The following LIPM variants were observed in gnomAD, a reference collection of about 807,000 sequenced individuals.
The protein encoded by LIPM is lipase member M.
In LIPM, 42 loss-of-function variants were observed where a neutral mutation model predicts 42.4. That is an observed-to-expected ratio of 0.99 (90% CI 0.77 to 1.28). LIPM has a LOEUF of 1.28. Among genes scored for constraint, LIPM ranks in the 50% most tolerant of loss-of-function variants. The pLI, the probability that LIPM is intolerant of heterozygous loss-of-function variation, is 0.00. For missense variants in LIPM, 524 were observed against 520.1 expected, an observed-to-expected ratio of 1.01 and a Z score of -0.07; for synonymous variants, 177 against 173.3, an observed-to-expected ratio of 1.02 and a Z score of -0.17.
At chr10:88,817,751 G>A (rs1461879913) in intron 7 of LIPM, 74 bp from the exon 8 acceptor site, 1 of 977,214 alleles carries the variant, frequency 1.0e-6, no homozygotes, top group Admixed American at 2.0e-5. Flanking sequence ...ACACTGGGTA[G>A]CACATTTCCA....
At chr10:88,811,542 C>T (rs191734306) in intron 2 of LIPM, among the ~76,000 whole-genome samples, 52 of 152,202 alleles carry the variant, frequency 3.4e-4, no homozygotes, top group African/African-American at 1.2e-3. Flanking sequence ...AATATATATG[C>T]CTTAATTTAT....
At position 88,815,174 on chromosome 10, in the gene LIPM, G is replaced by A. The variant is rs1843703266; in HGVS notation, c.661G>A (p.Ala221Thr). ...ALAPIATVKH[A>T]KSPGTKFLLL... ...AGCACCCATAGCCACTGTTAAGCAT[G>A]CAAAAAGCCCCGGGACCAAATTTTT... Residue 221 changes from alanine (A) to threonine (T), a missense_variant, in exon 5 of 9, where the codon GCA becomes ACA. Transcript: ENST00000404743. 2 of 1,551,860 alleles carry A rather than the reference G, an allele frequency of 1.3e-6. No individual in the cohort carries two copies. Among genetic ancestry groups the A allele is most frequent in the Non-Finnish European group, 1.7e-6 (2 of 1,147,010 alleles).
chr10:88,814,473 GC>G (rs1843693519), intron 3 of LIPM, 56 bp from the exon 4 acceptor site: 3 of 1,234,240 alleles, frequency 2.4e-6, no homozygotes, highest in Admixed American at 2.0e-5. Flanking sequence ...GTCGGGGGGA[GC>G]TTTTGTTTGT....
rs1843545074 is a variant in LIPM at position 88,802,923 on chromosome 10, G to A, written c.27G>A (p.Trp9Ter). Residue 9 changes from tryptophan (W) to a stop codon, truncating the protein, a stop_gained, in exon 1 of 9, where the codon TGG (tryptophan) becomes TGA (stop). Coordinates refer to ENST00000404743, the MANE Select transcript of LIPM (RefSeq NM_001128215.1). LOFTEE classifies it high-confidence loss of function. MLETLSRQWIVSHRMEMWL... is the reference protein window; with the variant it reads MLETLSRQ The stretch of plus-strand genomic sequence containing the variant: ...TGTTGGAAACCTTGTCAAGACAGTG[G>A]ATTGTCTCACACAGAATGGAAATGT... 1.9e-6 allele frequency: 3 copies of A among 1,549,584 alleles called. No homozygotes were observed. The highest frequency in any genetic ancestry group is 2.0e-5 in the Admixed American group (1 of 50,470).
At chr10:88,818,978 C>T (rs1843752436) in intron 8 of LIPM, among the ~76,000 whole-genome samples, 1 of 152,168 alleles carries the variant, frequency 6.6e-6, no homozygotes, top group Non-Finnish European at 1.5e-5. Flanking sequence ...AACTCTGCCT[C>T]CTAGCTTTGA....
rs114321876 is a variant in LIPM, at chr10:88,804,698, C to T, written c.147+1655C>T. Among the ~76,000 whole-genome samples the T allele has an allele frequency of 2.6e-3, 392 of 152,316 alleles. 3 individuals are homozygous for T. Among genetic ancestry groups the T allele is most frequent in the African/African-American group, 8.7e-3 (360 of 41,588 alleles). On this transcript the variant is annotated intron_variant, in intron 1 of 8. Transcript: ENST00000404743. ...TTACAAATGTCATAGCAATGACCCA[C>T]GAGTTAGTACCCCTTTCCATGGCAA... is the stretch of plus-strand genomic sequence containing the variant.
At position 88,808,406 on chromosome 10, in the gene LIPM, A is replaced by C; in HGVS notation, c.256A>C (p.Lys86Gln). 1 of 1,545,822 alleles carries C rather than the reference A, an allele frequency of 6.5e-7. No homozygotes were observed. The part of the protein sequence containing the change: ...NRIPRGLVQP[K>Q]KTGSRPVVLL... ...GATTCCTCGAGGCCTAGTGCAACCT[A>C]AGAAGACAGGTGTGGGTCACCCCAT... The change falls in exon 2 of 9, where the codon AAG becomes CAG. Residue 86 changes from lysine to glutamine, a missense_variant. Physicochemically the swap from Lys to Gln is moderately conservative, Grantham distance 53. Coordinates refer to ENST00000404743, the MANE Select transcript of LIPM (RefSeq NM_001128215.1).
Position 88,805,254 on chromosome 10 carries a change from G to A in LIPM, c.147+2211G>A, listed in dbSNP as rs77021229. ...TTATAAAAGCAATGAAATAAAAGAA[G>A]AAAACATAAAATAGGGGGAACTAAT... On this transcript the variant is annotated intron_variant, in intron 1 of 8. Transcript: ENST00000404743. Among the ~76,000 whole-genome samples the A allele has an allele frequency of 9.0e-3, 1,366 of 152,254 alleles. 53 individuals carry two copies. The highest frequency in any genetic ancestry group is 0.081 in the East Asian group (419 of 5,180).
rs769993816 is a variant in LIPM, at chr10:88,817,789, C to T, written c.931-36C>T. 5.5e-6 allele frequency: 8 copies of T among 1,452,520 alleles called. No homozygotes were observed. The East Asian group carries it at 1.2e-4, about 22-fold the overall frequency. The allele number at this position is 1,452,520 out of a possible 1,614,324, so 90.0% of individuals were successfully genotyped here. Reference sequence around the variant, plus strand: ...ACCCCACCACGCTTATCCACTGAGACGTTGGAATTCCTTGTAAATTTTTGT... The same window carrying T: ...ACCCCACCACGCTTATCCACTGAGATGTTGGAATTCCTTGTAAATTTTTGT... On this transcript the variant is annotated intron_variant, in intron 7 of 8. Transcript: ENST00000404743.
At chr10:88,813,356 A>T in intron 3 of LIPM, 61 bp downstream of exon 3, 1 of 1,310,072 alleles carries the variant, frequency 7.6e-7, no homozygotes, top group South Asian at 1.6e-5. Context: ...AATGGGTAAA[A>T]AATTACGGCT....
chr10:88,811,745 C>T lies in LIPM; in HGVS notation c.266-1352C>T, dbSNP rs534374637. ...CCCATTTATTTTATCATTATCTCTC[C>T]CCCATCTCTTACGTGTATCTTAATA... On this transcript the variant is annotated intron_variant, in intron 2 of 8. Coordinates refer to ENST00000404743, the MANE Select transcript of LIPM (RefSeq NM_001128215.1). Among the ~76,000 whole-genome samples the T allele has an allele frequency of 9.9e-5, 15 of 152,232 alleles. No individual in the cohort carries two copies. The East Asian group carries it at 2.1e-3, about 22-fold the overall frequency.
At position 88,802,763 on chromosome 10, in the gene LIPM, G is replaced by C; in HGVS notation, c.-134G>C. On this transcript the variant is annotated 5_prime_UTR_variant, in exon 1 of 9. Transcript: ENST00000404743. ...TGTTCTTTCCCTACCAACTAAGCTT[G>C]CCTAATTTGCTTCAGAATTGGAAGA... 1.2e-6 allele frequency: 1 copy of C among 869,234 alleles called. No homozygotes were observed. The highest frequency in any genetic ancestry group is 1.7e-6 in the Non-Finnish European group (1 of 572,736). 53.8% of individuals were successfully genotyped at this position (869,234 alleles called of 1,614,324 possible).
At chr10:88,819,368 A>G (rs2133064716) in intron 8 of LIPM, among the ~76,000 whole-genome samples, 1 of 152,336 alleles carries the variant, frequency 6.6e-6, no homozygotes, top group South Asian at 2.1e-4. Context: ...TTTCACCTGT[A>G]AGATGACAAA....
intron 2 of LIPM, among the ~76,000 whole-genome samples, chr10:88,809,095 C>T (rs1425225549): frequency 6.6e-6 from 1 of 151,962 alleles, no homozygotes; most frequent in African/African-American, 2.4e-5. Context: ...GCTGGGATTA[C>T]AGGCATACAC....
chr10:88,812,222 T>C (rs1033705195), intron 2 of LIPM, among the ~76,000 whole-genome samples: 4 of 152,218 alleles, frequency 2.6e-5, no homozygotes, highest in Non-Finnish European at 5.9e-5. Context: ...TCTTGGTTCA[T>C]CATATTATGA....
At chr10:88,817,768 C>T in intron 7 of LIPM, 57 bp from the exon 8 acceptor site, 1 of 1,218,792 alleles carries the variant, frequency 8.2e-7, no homozygotes, top group Non-Finnish European at 1.2e-6. Context: ...TCCACCACCC[C>T]ACCACGCTTA....
intron 7 of LIPM, among the ~76,000 whole-genome samples, chr10:88,817,178 T>G (rs931864266): frequency 2.0e-5 from 3 of 152,214 alleles, no homozygotes; most frequent in Non-Finnish European, 2.9e-5. Flanking sequence ...AAGATGTGGC[T>G]GGAGATAATT....
At chr10:88,815,315 C>G (rs558852322) in intron 5 of LIPM, 42 bp from the exon 6 acceptor site, 6 of 1,548,928 alleles carry the variant, frequency 3.9e-6, no homozygotes, top group Non-Finnish European at 5.2e-6. Context: ...ACAGTCACAT[C>G]TTTTCTGTCT....
rs868695983 is a variant in LIPM at position 88,806,968 on chromosome 10, T to G, written c.148-1330T>G. ...CCTCCCAAAGTGCTGGGATTACAGG[T>G]GTGAGCCACTGTGCCCGGCCTATAC... On this transcript the variant is annotated intron_variant, in intron 1 of 8. Coordinates refer to ENST00000404743, the MANE Select transcript of LIPM (RefSeq NM_001128215.1). Among the ~76,000 whole-genome samples the G allele has an allele frequency of 5.3e-5, 8 of 152,156 alleles. No individual in the cohort carries two copies. In the South Asian group the frequency reaches 1.7e-3, roughly 32 times the overall value.
Sources: allele counts gnomAD v4.1 joint callset (sites outside exome capture counted in the v4.1 genomes callset), GRCh38; gene constraint gnomAD v4.1.1; transcripts MANE v1.5; gene names NCBI Gene and HGNC (gene_info 2026-07-23, HGNC 2026-07-21).